The following ARHGAP26 variants were observed in gnomAD, a reference collection of about 807,000 sequenced individuals.
ARHGAP26 encodes Rho GTPase activating protein 26, also known as rho GTPase-activating protein 26.
A neutral mutation model predicts 104.8 loss-of-function variants in ARHGAP26; 38 were observed. The observed-to-expected ratio is 0.36, with a 90% confidence interval of 0.28 to 0.48. The LOEUF (loss-of-function observed/expected upper bound fraction) is 0.48. Among genes scored for constraint, ARHGAP26 ranks in the 20% least tolerant of loss-of-function variants. The probability of loss-of-function intolerance (pLI) is 0.99; values close to 1 mark genes in which losing one functional copy is unlikely to be tolerated. For missense variants in ARHGAP26, 704 were observed against 947.9 expected (o/e 0.74, Z 3.38); for synonymous variants, 341 against 340.0 (o/e 1.00, Z -0.03).
intron 22 of ARHGAP26, among the ~76,000 whole-genome samples, chr5:143,219,042 C>T (rs950541582): frequency 3.3e-5 from 5 of 152,216 alleles, no homozygotes; most frequent in Admixed American, 1.3e-4. Flanking sequence ...AGTGCGTATT[C>T]GCAAAGGGTC....
At chr5:143,005,930 C>G (rs1395358645) in intron 11 of ARHGAP26, among the ~76,000 whole-genome samples, 1 of 152,072 alleles carries the variant, frequency 6.6e-6, no homozygotes, top group Non-Finnish European at 1.5e-5. Context: ...GGGGAAGGGA[C>G]TCGGCACCAA....
chr5:142,930,324 A>T (rs1764526851), intron 10 of ARHGAP26, among the ~76,000 whole-genome samples: 1 of 152,218 alleles, frequency 6.6e-6, no homozygotes, highest in Non-Finnish European at 1.5e-5. Context: ...CAGTCTGCAG[A>T]TATCCACTGA....
At chr5:143,063,370 C>T (rs903135253) in intron 17 of ARHGAP26, among the ~76,000 whole-genome samples, 3 of 152,208 alleles carry the variant, frequency 2.0e-5, no homozygotes, top group South Asian at 2.1e-4. Context: ...CTCCAGTCCA[C>T]AGAGTGCATG....
intron 1 of ARHGAP26, among the ~76,000 whole-genome samples, chr5:142,833,043 G>C (rs1768813055): frequency 6.6e-6 from 1 of 151,870 alleles, no homozygotes; most frequent in African/African-American, 2.4e-5. Context: ...TCTTACCACA[G>C]AGAACTTTTA....
At chr5:142,887,730 A>AT (rs1757923458) in intron 5 of ARHGAP26, among the ~76,000 whole-genome samples, 1 of 152,162 alleles carries the variant, frequency 6.6e-6, no homozygotes. Context: ...ATTAAACTGT[A>AT]TAAAAATCTA....
chr5:143,036,395 TGTTGATCATTTATTTTCTGGGTGA>T (rs1782648687), intron 12 of ARHGAP26, among the ~76,000 whole-genome samples: 1 of 152,230 alleles, frequency 6.6e-6, no homozygotes. Flanking sequence ...AAGTTGCTGC[TGTTGATCATTTATTTTCTGGGTGA>T]GAATCCTGTC....
chr5:143,096,860 G>A (rs923425510), intron 17 of ARHGAP26, among the ~76,000 whole-genome samples: 1 of 152,160 alleles, frequency 6.6e-6, no homozygotes, highest in Non-Finnish European at 1.5e-5. Flanking sequence ...TGGACCAACA[G>A]AGAACCACTG....
intron 11 of ARHGAP26, among the ~76,000 whole-genome samples, chr5:142,936,650 CTG>C (rs923956109): frequency 2.6e-4 from 40 of 152,242 alleles, no homozygotes; most frequent in Admixed American, 1.8e-3. Flanking sequence ...GTAATCAAGA[CTG>C]TGGTATTGAC....
At chr5:142,969,772 C>T (rs1039474158) in intron 11 of ARHGAP26, among the ~76,000 whole-genome samples, 5 of 152,056 alleles carry the variant, frequency 3.3e-5, no homozygotes, top group Non-Finnish European at 7.4e-5. Context: ...CAGTGTATCA[C>T]GGCCCCTGAA....
At chr5:143,209,794 A>G (rs1254663640) in intron 21 of ARHGAP26, among the ~76,000 whole-genome samples, 1 of 150,842 alleles carries the variant, frequency 6.6e-6, no homozygotes, top group Non-Finnish European at 1.5e-5. Flanking sequence ...AAAAAAAAAA[A>G]TAGTCAAGGC....
At chr5:142,967,523 T>C (rs1436753645) in intron 11 of ARHGAP26, among the ~76,000 whole-genome samples, 1 of 152,220 alleles carries the variant, frequency 6.6e-6, no homozygotes, top group Non-Finnish European at 1.5e-5. Context: ...GGCTCACGCC[T>C]GTAATCCCAG....
intron 19 of ARHGAP26, among the ~76,000 whole-genome samples, chr5:143,146,715 G>A (rs1178209881): frequency 6.6e-6 from 1 of 152,258 alleles, no homozygotes; most frequent in Non-Finnish European, 1.5e-5. Context: ...AATTTAGACT[G>A]GTGGAGTCGT....
At chr5:142,800,630 G>A (rs1458316763) in intron 1 of ARHGAP26, among the ~76,000 whole-genome samples, 1 of 152,174 alleles carries the variant, frequency 6.6e-6, no homozygotes, top group Admixed American at 6.5e-5. Flanking sequence ...CCAAAGTGCT[G>A]GGATTACAGG....
In ARHGAP26 at chr5:143,143,592, G is replaced by T. The variant is rs200007867; in HGVS notation, c.1838-3639G>T. Among the ~76,000 whole-genome samples the T allele has an allele frequency of 2.0e-5, 3 of 152,292 alleles. No homozygotes were observed. In the East Asian group the frequency reaches 5.8e-4, roughly 29 times the overall value. On this transcript the variant is annotated intron_variant, in intron 19 of 22. Transcript: ENST00000645722. Reference sequence around the variant, plus strand: ...TTTATGGTCCCTGTCTAAAGCACCTGAAAAATTCAGTCACGCAAAACTACC... The same window carrying T: ...TTTATGGTCCCTGTCTAAAGCACCTTAAAAATTCAGTCACGCAAAACTACC...
chr5:142,964,806 C>T (rs563161840), intron 11 of ARHGAP26, among the ~76,000 whole-genome samples: 154 of 152,204 alleles, frequency 1.0e-3, no homozygotes, highest in African/African-American at 3.6e-3. Flanking sequence ...TGGGCTTCTC[C>T]CTGTGTGCGG....
chr5:143,188,360 C>T (rs1354106224), intron 20 of ARHGAP26, among the ~76,000 whole-genome samples: 1 of 152,300 alleles, frequency 6.6e-6, no homozygotes, highest in Admixed American at 6.5e-5. Context: ...GCTTCTTAGG[C>T]CCCAACCCTG....
chr5:142,887,621 C>G (rs559101072), intron 5 of ARHGAP26, among the ~76,000 whole-genome samples: 1 of 152,272 alleles, frequency 6.6e-6, no homozygotes, highest in African/African-American at 2.4e-5. Context: ...GTCACACTTT[C>G]TAAGTACTTT....
At chr5:142,837,734 G>A (rs1347401498) in intron 1 of ARHGAP26, among the ~76,000 whole-genome samples, 2 of 152,192 alleles carry the variant, frequency 1.3e-5, no homozygotes, top group Non-Finnish European at 1.5e-5. Context: ...TGGTTTATGA[G>A]ATTCTGGATC....
At chr5:143,123,655 C>T (rs186922955) in intron 18 of ARHGAP26, among the ~76,000 whole-genome samples, 2 of 152,148 alleles carry the variant, frequency 1.3e-5, no homozygotes, top group East Asian at 3.9e-4. Flanking sequence ...AGTTTGAAAC[C>T]AGCCTGGGCA....
Sources: gnomAD v4.1 joint callset for allele counts (sites outside exome capture counted in the v4.1 genomes callset) on GRCh38, gnomAD v4.1.1 for gene constraint, MANE v1.5 for transcripts, NCBI Gene and HGNC (gene_info 2026-07-23, HGNC 2026-07-21) for gene names.